PTPRD: variants seen among roughly 807,000 people sequenced by gnomAD.
The protein encoded by PTPRD is protein tyrosine phosphatase receptor type D.
PTPRD carries 34 observed loss-of-function variants against 214.5 expected under a neutral mutation model. That is an observed-to-expected ratio of 0.16 (90% CI 0.12 to 0.21). The LOEUF (loss-of-function observed/expected upper bound fraction) is 0.21. PTPRD is among the 10% of genes least tolerant of loss of function. The probability of loss-of-function intolerance (pLI) is 1.00; values close to 1 mark genes in which losing one functional copy is unlikely to be tolerated. For missense variants in PTPRD, 2,545 were observed against 2,398.7 expected (o/e 1.06, Z -1.27); for synonymous variants, 1,128 against 845.7 (o/e 1.33, Z -5.79).
intron 4 of PTPRD, among the ~76,000 whole-genome samples, chr9:9,977,214 C>T (rs915220227): frequency 8.5e-5 from 13 of 152,128 alleles, no homozygotes; most frequent in East Asian, 3.9e-4. Context: ...CTATTTGTGA[C>T]GTACTATAAC....
chr9:9,321,693 C>T (rs1255438983), intron 9 of PTPRD, among the ~76,000 whole-genome samples: 2 of 152,020 alleles, frequency 1.3e-5, no homozygotes, highest in African/African-American at 2.4e-5. Flanking sequence ...ATCTAACTTT[C>T]CAGTATTTAG....
chr9:8,786,606 G>A (rs1413616129), intron 11 of PTPRD, among the ~76,000 whole-genome samples: 1 of 151,294 alleles, frequency 6.6e-6, no homozygotes, highest in Non-Finnish European at 1.5e-5. Flanking sequence ...GTACAAACGG[G>A]GTTTCACCAC....
At chr9:9,651,055 G>C (rs1193745465) in intron 7 of PTPRD, among the ~76,000 whole-genome samples, 2 of 151,972 alleles carry the variant, frequency 1.3e-5, no homozygotes, top group African/African-American at 2.4e-5. Flanking sequence ...AAGGAAACTT[G>C]TACTAAGAAA....
At position 9,861,526 on chromosome 9, in the gene PTPRD, G is replaced by A. The variant is rs529381961; in HGVS notation, c.-368+76981C>T. ...AGGATGGTCTCAATCTCATGACCTC[G>A]TGATCCGCCCACCTCGGCCTCTCAA... On this transcript the variant is annotated intron_variant, in intron 5 of 45. Coordinates refer to ENST00000381196, the MANE Select transcript of PTPRD (RefSeq NM_002839.4). Among the ~76,000 whole-genome samples, 5 of 152,268 alleles carry A rather than the reference G, an allele frequency of 3.3e-5. No individual in the cohort carries two copies. The South Asian group carries it at 1.0e-3, about 32-fold the overall frequency.
intron 10 of PTPRD, among the ~76,000 whole-genome samples, chr9:9,049,893 G>C (rs113007016): frequency 6.6e-6 from 1 of 152,190 alleles, no homozygotes; most frequent in Non-Finnish European, 1.5e-5. Flanking sequence ...CCAACTTTGA[G>C]ATTAGAAACA....
chr9:8,549,984 G>C (rs1402725448), intron 14 of PTPRD, among the ~76,000 whole-genome samples: 1 of 152,094 alleles, frequency 6.6e-6, no homozygotes, highest in Non-Finnish European at 1.5e-5. Flanking sequence ...ATGTAGGAGT[G>C]CAACATTAAG....
chr9:8,589,995 C>T lies in PTPRD; in HGVS notation c.352+43322G>A, dbSNP rs115147440. Among the ~76,000 whole-genome samples the T allele has an allele frequency of 4.8e-3, 725 of 152,120 alleles. 9 individuals are homozygous for T. The highest frequency in any genetic ancestry group is 0.017 in the African/African-American group (686 of 41,482). On this transcript the variant is annotated intron_variant, in intron 14 of 45. Transcript: ENST00000381196. ...TGGTCAACTAATAATGACTGAACCTCGGTAACAAAGATTTCTGGGGTTATG... is the reference window on the plus strand; with the variant it reads ...TGGTCAACTAATAATGACTGAACCTTGGTAACAAAGATTTCTGGGGTTATG...
At chr9:9,007,102 C>T (rs973798287) in intron 11 of PTPRD, among the ~76,000 whole-genome samples, 1 of 151,922 alleles carries the variant, frequency 6.6e-6, no homozygotes, top group African/African-American at 2.4e-5. Context: ...ACTGTGTGTG[C>T]TCCCATCCAC....
intron 8 of PTPRD, among the ~76,000 whole-genome samples, chr9:9,446,866 A>G (rs1377213753): frequency 6.6e-6 from 1 of 152,218 alleles, no homozygotes; most frequent in Non-Finnish European, 1.5e-5. Context: ...ACATGAACAG[A>G]CACTTTTCAA....
At chr9:8,474,263 A>G (rs890191528) in intron 30 of PTPRD, among the ~76,000 whole-genome samples, 2 of 152,028 alleles carry the variant, frequency 1.3e-5, no homozygotes, top group African/African-American at 2.4e-5. Flanking sequence ...GATTTTTGCC[A>G]TCTAGTACCT....
chr9:9,411,622 C>G (rs190493454), intron 8 of PTPRD, among the ~76,000 whole-genome samples: 2 of 152,196 alleles, frequency 1.3e-5, no homozygotes, highest in South Asian at 2.1e-4. Context: ...TTGTATGCTG[C>G]GAAGTTGAAA....
At chr9:9,833,564 C>T (rs981243292) in intron 5 of PTPRD, among the ~76,000 whole-genome samples, 3 of 149,418 alleles carry the variant, frequency 2.0e-5, no homozygotes, top group Non-Finnish European at 4.4e-5. Flanking sequence ...ATCAACCGGT[C>T]TGACCAAAAT....
chr9:9,031,534 G>C (rs1410231230), intron 10 of PTPRD, among the ~76,000 whole-genome samples: 1 of 151,996 alleles, frequency 6.6e-6, no homozygotes, highest in Non-Finnish European at 1.5e-5. Context: ...AAGGGAATGT[G>C]TTGCACTATG....
chr9:8,643,077 C>T (rs1161680875), intron 12 of PTPRD, among the ~76,000 whole-genome samples: 1 of 151,604 alleles, frequency 6.6e-6, no homozygotes, highest in Non-Finnish European at 1.5e-5. Context: ...CAGGATAGAT[C>T]TTCAAAATCA....
At position 9,991,858 on chromosome 9, in the gene PTPRD, ACACACACACAC is replaced by A. The variant is rs1265651280; in HGVS notation, c.-472+41849_-472+41859del. 1.1e-3 allele frequency among the ~76,000 whole-genome samples: 161 copies of A among 150,926 alleles called. 1 individual carries two copies. Among genetic ancestry groups the A allele is most frequent in the African/African-American group, 3.7e-3 (148 of 40,480 alleles). On this transcript the variant is annotated intron_variant, in intron 4 of 45. Coordinates refer to ENST00000381196, the MANE Select transcript of PTPRD (RefSeq NM_002839.4). ...CACACACACACACACACACACACAC[ACACACACACAC>A]GAGTTCCAAATGGCCATTAACATAA... is the stretch of plus-strand genomic sequence containing the variant.
chr9:10,201,610 G>C (rs1300602568), intron 3 of PTPRD, among the ~76,000 whole-genome samples: 1 of 151,802 alleles, frequency 6.6e-6, no homozygotes, highest in East Asian at 1.9e-4. Context: ...GTGTGTATAT[G>C]AATTTTCTTT....
At chr9:8,827,291 C>A (rs2097195382) in intron 11 of PTPRD, among the ~76,000 whole-genome samples, 1 of 139,358 alleles carries the variant, frequency 7.2e-6, no homozygotes, top group Admixed American at 7.2e-5. Context: ...CTCAACCCAT[C>A]AATCTATTTG....
At chr9:9,824,121 T>C (rs2051808727) in intron 5 of PTPRD, among the ~76,000 whole-genome samples, 4 of 152,022 alleles carry the variant, frequency 2.6e-5, no homozygotes, top group Admixed American at 2.6e-4. Flanking sequence ...GAATGATAAA[T>C]GAATTTTTTG....
chr9:9,964,728 A>C (rs1452019916), intron 4 of PTPRD, among the ~76,000 whole-genome samples: 3 of 152,214 alleles, frequency 2.0e-5, no homozygotes, highest in Non-Finnish European at 4.4e-5. Flanking sequence ...AAAAAAATAC[A>C]TTCATTTTTA....
Sources: allele counts gnomAD v4.1 joint callset (sites outside exome capture counted in the v4.1 genomes callset), GRCh38; gene constraint gnomAD v4.1.1; transcripts MANE v1.5; gene names NCBI Gene and HGNC (gene_info 2026-07-23, HGNC 2026-07-21).